CCDC141: variants seen among roughly 807,000 people sequenced by gnomAD.
CCDC141 encodes coiled-coil domain containing 141, also known as coiled-coil domain-containing protein 141.
A neutral mutation model predicts 181.0 loss-of-function variants in CCDC141; 168 were observed. The observed-to-expected ratio is 0.93, with a 90% CI of 0.82 to 1.05. CCDC141 has a LOEUF of 1.05. Among genes scored for constraint, CCDC141 ranks in the 50% least tolerant of loss-of-function variants. The probability of loss-of-function intolerance (pLI) is 0.00; values close to 1 mark genes in which losing one functional copy is unlikely to be tolerated. For synonymous variants in CCDC141, 666 were observed against 642.3 expected, an observed-to-expected ratio of 1.04 and a Z score of -0.56; for missense variants, 1,902 against 1,788.5, an observed-to-expected ratio of 1.06 and a Z score of -1.14.
chr2:179,003,712 G>C (rs533359894), intron 2 of CCDC141, among the ~76,000 whole-genome samples: 5 of 152,254 alleles, frequency 3.3e-5, no homozygotes, highest in African/African-American at 1.2e-4. Context: ...TTTCTGATTT[G>C]AAATGTCTAC....
At chr2:178,823,642 C>A in the CCDC141 span, among the ~76,000 whole-genome samples, 1 of 152,110 alleles carries the variant, frequency 6.6e-6, no homozygotes, top group Non-Finnish European at 1.5e-5. Context: ...GTTGTTATTA[C>A]ATTAAAATTA....
chr2:178,947,015 T>C (rs1323875778), intron 5 of CCDC141, among the ~76,000 whole-genome samples: 1 of 152,198 alleles, frequency 6.6e-6, no homozygotes, highest in Non-Finnish European at 1.5e-5. Context: ...TACATCTCAT[T>C]ATGAGGTATT....
intron 6 of CCDC141, among the ~76,000 whole-genome samples, chr2:178,940,408 A>G (rs1164147305): frequency 6.6e-6 from 1 of 152,224 alleles, no homozygotes; most frequent in Non-Finnish European, 1.5e-5. Flanking sequence ...GCTTCATTCT[A>G]TTTATGCAAA....
chr2:178,819,714 A>G, the CCDC141 span, among the ~76,000 whole-genome samples: 76 of 152,256 alleles, frequency 5.0e-4, no homozygotes, highest in Admixed American at 2.0e-3. Flanking sequence ...TAAACATCCT[A>G]CAGTGTATAG....
chr2:178,869,428 T>A, intron 14 of CCDC141, 123 bp from the exon 15 acceptor site: 1 of 658,760 alleles, frequency 1.5e-6, no homozygotes, highest in Non-Finnish European at 2.4e-6. Context: ...TTATTATGAA[T>A]GCCCCCACCC....
intron 2 of CCDC141, among the ~76,000 whole-genome samples, chr2:179,004,800 G>T (rs1390972283): frequency 2.0e-5 from 3 of 152,048 alleles, no homozygotes; most frequent in Admixed American, 6.6e-5. Flanking sequence ...GCACGATCTT[G>T]GCTAACTGCA....
intron 4 of CCDC141, among the ~76,000 whole-genome samples, chr2:178,970,226 T>A (rs1690822771): frequency 1.3e-5 from 2 of 152,272 alleles, no homozygotes; most frequent in South Asian, 4.1e-4. Flanking sequence ...AATGCTATCC[T>A]CATCAAGCTA....
chr2:178,881,436 A>G (rs1686601816), intron 11 of CCDC141, among the ~76,000 whole-genome samples: 1 of 152,200 alleles, frequency 6.6e-6, no homozygotes, highest in Admixed American at 6.5e-5. Flanking sequence ...CTGTTCTTTC[A>G]AAAAAGAAAC....
chr2:178,817,949 T>A, the CCDC141 span, among the ~76,000 whole-genome samples: 21 of 151,968 alleles, frequency 1.4e-4, no homozygotes, highest in African/African-American at 4.8e-4. Context: ...ATTACAGGCA[T>A]CCGCCACCAT....
At chr2:178,929,348 G>A (rs1405235857) in intron 6 of CCDC141, among the ~76,000 whole-genome samples, 2 of 152,044 alleles carry the variant, frequency 1.3e-5, no homozygotes, top group African/African-American at 2.4e-5. Flanking sequence ...TTTTATACAG[G>A]TTAATAAATG....
chr2:179,008,000 T>C (rs1672794606), intron 2 of CCDC141, among the ~76,000 whole-genome samples: 6 of 152,192 alleles, frequency 3.9e-5, no homozygotes, highest in Admixed American at 3.9e-4. Flanking sequence ...GGTAACAGTG[T>C]TCACAAGATG....
chr2:178,889,125 C>T (rs951872511), intron 8 of CCDC141, among the ~76,000 whole-genome samples: 10 of 152,002 alleles, frequency 6.6e-5, no homozygotes, highest in African/African-American at 2.2e-4. Flanking sequence ...TCCTTGTTCT[C>T]AATGATTATG....
At chr2:179,022,198 G>C (rs2042708254) in intron 2 of CCDC141, among the ~76,000 whole-genome samples, 2 of 152,082 alleles carry the variant, frequency 1.3e-5, no homozygotes, top group Admixed American at 6.6e-5. Context: ...TTTTTGCAGA[G>C]TTCTGTGGCC....
rs1684190112 is a variant in CCDC141 at position 178,829,935 on chromosome 2, G to A, written c.*4238C>T. On this transcript the variant is annotated 3_prime_UTR_variant, in exon 24 of 24. Transcript: ENST00000443758. ...AAGATATTCTTTCCTTTCTTCATTT[G>A]GAATTCAAATACTCTTAAGTTCTTG... is the stretch of plus-strand genomic sequence containing the variant. The A allele has an allele frequency of 6.6e-6, 1 of 152,064 alleles. No individual in the cohort carries two copies. Among genetic ancestry groups the A allele is most frequent in the Non-Finnish European group, 1.5e-5 (1 of 67,992 alleles). 9.4% of individuals were successfully genotyped at this position (152,064 alleles called of 1,614,324 possible).
chr2:179,002,398 A>C (rs1381831169), intron 2 of CCDC141: 2 of 317,078 alleles, frequency 6.3e-6, no homozygotes, highest in Non-Finnish European at 1.2e-5. Flanking sequence ...ATTGTAAAAA[A>C]GGGAGAGAAG....
chr2:178,935,304 C>T (rs1189552038), intron 6 of CCDC141, among the ~76,000 whole-genome samples: 2 of 151,968 alleles, frequency 1.3e-5, no homozygotes, highest in Non-Finnish European at 2.9e-5. Flanking sequence ...ACCCCAGTGT[C>T]GATTGTTTTC....
intron 17 of CCDC141, 131 bp from the exon 18 acceptor site, chr2:178,856,528 C>A (rs1392245155): frequency 6.1e-6 from 3 of 492,838 alleles, no homozygotes; most frequent in Non-Finnish European, 1.0e-5. Context: ...AATTTTCCCT[C>A]CCTCCCTCCC....
intron 1 of CCDC141, among the ~76,000 whole-genome samples, chr2:179,049,455 T>G (rs1191508550): frequency 6.6e-6 from 1 of 152,030 alleles, no homozygotes; most frequent in Non-Finnish European, 1.5e-5. Context: ...CTCTCAAAAA[T>G]CACAAGCATT....
the CCDC141 span, among the ~76,000 whole-genome samples, chr2:178,815,581 T>C: frequency 2.0e-5 from 3 of 152,170 alleles, no homozygotes; most frequent in Admixed American, 6.6e-5. Context: ...TTCAGTATCC[T>C]TGTGGGATTG....
Sources: allele counts gnomAD v4.1 joint callset (sites outside exome capture counted in the v4.1 genomes callset), GRCh38; gene constraint gnomAD v4.1.1; transcripts MANE v1.5; gene names NCBI Gene and HGNC (gene_info 2026-07-23, HGNC 2026-07-21).